MTSS1: variants seen among roughly 807,000 people sequenced by gnomAD.
MTSS1 encodes MTSS I-BAR domain containing 1.
MTSS1 carries 18 observed loss-of-function variants against 79.0 expected under a neutral mutation model. That is an observed-to-expected ratio of 0.23 (90% CI 0.16 to 0.34). The LOEUF (loss-of-function observed/expected upper bound fraction) is 0.34, where lower values mean the gene tolerates loss of function less well. Ranked by LOEUF, MTSS1 falls within the 10% of genes least tolerant of loss-of-function variation. The probability of loss-of-function intolerance (pLI) is 1.00; values close to 1 mark genes in which losing one functional copy is unlikely to be tolerated. For missense variants in MTSS1, 815 were observed against 986.2 expected, an observed-to-expected ratio of 0.83 and a Z score of 2.33; for synonymous variants, 341 against 368.6, an observed-to-expected ratio of 0.93 and a Z score of 0.86.
At chr8:124,562,601 C>G (rs1027772648) in intron 10 of MTSS1, among the ~76,000 whole-genome samples, 181 bp downstream of exon 10, 2 of 152,206 alleles carry the variant, frequency 1.3e-5, no homozygotes, top group East Asian at 3.9e-4. Flanking sequence ...GCTTCAAACC[C>G]ACTTATAGCA....
intron 3 of MTSS1, among the ~76,000 whole-genome samples, chr8:124,645,775 A>G (rs892766651): frequency 6.6e-6 from 1 of 152,072 alleles, no homozygotes; most frequent in Non-Finnish European, 1.5e-5. Flanking sequence ...TATTTTGAGT[A>G]CTCTAAGCTG....
chr8:124,557,024 A>C (rs533571259), intron 11 of MTSS1, among the ~76,000 whole-genome samples: 1 of 152,198 alleles, frequency 6.6e-6, no homozygotes, highest in Non-Finnish European at 1.5e-5. Flanking sequence ...CTACTTTTCA[A>C]ATTAGGGTCC....
chr8:124,670,779 C>A (rs1412456516), intron 3 of MTSS1, among the ~76,000 whole-genome samples: 2 of 152,114 alleles, frequency 1.3e-5, no homozygotes, highest in East Asian at 3.9e-4. Context: ...CATCCCGTCT[C>A]CAAAGTGGTT....
chr8:124,557,133 T>C (rs1237291219), intron 11 of MTSS1, among the ~76,000 whole-genome samples: 1 of 152,206 alleles, frequency 6.6e-6, no homozygotes. Flanking sequence ...AGCAAACATG[T>C]TTGAACACTC....
In MTSS1 at chr8:124,553,417, C is replaced by G; in HGVS notation, c.1843G>C (p.Val615Leu). ...GAGPIPIKTP[V>L]IPVKTPTVPD... ...ACGGTTGGGGTCTTGACAGGGATCA[C>G]GGGTGTCTTGATGGGGATGGGACCA... The change falls in exon 14 of 14, where the codon GTG (valine) becomes CTG (leucine). Residue 615 changes from valine (V) to leucine (L), a missense_variant. This residue lies in a region of MTSS1 where 590 missense variants were observed against 620.8 expected (regional missense o/e 0.95). Transcript: ENST00000518547. This position sits in a 1 kb window ranked among gnomAD's most constrained non-coding sequence, Gnocchi z 6.0. 6.2e-7 allele frequency: 1 copy of G among 1,607,276 alleles called. No individual in the cohort carries two copies. Among genetic ancestry groups the G allele is most frequent in the Non-Finnish European group, 8.5e-7 (1 of 1,175,404 alleles).
At chr8:124,624,130 G>A (rs978883876) in intron 3 of MTSS1, among the ~76,000 whole-genome samples, 5 of 152,158 alleles carry the variant, frequency 3.3e-5, no homozygotes, top group African/African-American at 9.7e-5. Context: ...TTTCACTCAC[G>A]CTCCTATTTG....
In MTSS1 at chr8:124,584,624, C is replaced by G. The variant is rs939885148; in HGVS notation, c.460+463G>C. 2.6e-5 allele frequency among the ~76,000 whole-genome samples: 4 copies of G among 152,136 alleles called. No individual in the cohort carries two copies. The South Asian group carries it at 8.3e-4, about 31-fold the overall frequency. Reference sequence around the variant, plus strand: ...CCCTCATGAACACCATGGAAAATCCCCTGTATGGCCATGACTCCCAGCTTC... The same window carrying G: ...CCCTCATGAACACCATGGAAAATCCGCTGTATGGCCATGACTCCCAGCTTC... On this transcript the variant is annotated intron_variant, in intron 6 of 13. Transcript: ENST00000518547.
At chr8:124,721,188 T>A (rs1408257885) in intron 1 of MTSS1, among the ~76,000 whole-genome samples, 1 of 151,984 alleles carries the variant, frequency 6.6e-6, no homozygotes. Flanking sequence ...TTTAAACAAA[T>A]GAAAAGTGAC....
At position 124,633,750 on chromosome 8, in the gene MTSS1, C is replaced by T. The variant is rs555879977; in HGVS notation, c.209-42515G>A. ...ACACCACTGCACACTCCAGCCTGGG[C>T]GACAGAGCAAGATCCTGTCTCAAAA... On this transcript the variant is annotated intron_variant, in intron 3 of 13. Transcript: ENST00000518547. 1.3e-3 allele frequency among the ~76,000 whole-genome samples: 202 copies of T among 150,796 alleles called. 1 individual carries two copies. The highest frequency in any genetic ancestry group is 4.6e-3 in the African/African-American group (190 of 40,886).
chr8:124,662,173 G>T (rs2134403090), intron 3 of MTSS1, among the ~76,000 whole-genome samples: 1 of 152,176 alleles, frequency 6.6e-6, no homozygotes, highest in Admixed American at 6.5e-5. Context: ...CAATTTTTGG[G>T]AAAGAGGACA....
chr8:124,572,288 C>T (rs554011679), intron 6 of MTSS1, among the ~76,000 whole-genome samples: 1 of 152,136 alleles, frequency 6.6e-6, no homozygotes, highest in African/African-American at 2.4e-5. Context: ...ATAGTCAAGA[C>T]ATTTCCATTC....
At chr8:124,584,663 C>T (rs1830550985) in intron 6 of MTSS1, among the ~76,000 whole-genome samples, 1 of 152,166 alleles carries the variant, frequency 6.6e-6, no homozygotes, top group Admixed American at 6.5e-5. Context: ...TGCACCCATT[C>T]CTAGCATTCT....
At chr8:124,591,839 G>A (rs1163630562) in intron 3 of MTSS1, among the ~76,000 whole-genome samples, 2 of 151,960 alleles carry the variant, frequency 1.3e-5, no homozygotes, top group East Asian at 3.9e-4. Flanking sequence ...GGAGTGCAGT[G>A]GTGCAATCAA....
intron 6 of MTSS1, among the ~76,000 whole-genome samples, chr8:124,572,195 T>G (rs1347764941): frequency 6.6e-6 from 1 of 152,188 alleles, no homozygotes; most frequent in Non-Finnish European, 1.5e-5. Context: ...ATAGCAAAGT[T>G]ATTTTAAATG....
Position 124,597,531 on chromosome 8 carries a change from AGGCAGGACGGTG to A in MTSS1, c.209-6308_209-6297del, listed in dbSNP as rs1832975983. 6.6e-6 allele frequency among the ~76,000 whole-genome samples: 1 copy of A among 152,262 alleles called. No homozygotes were observed. Among genetic ancestry groups the A allele is most frequent in the African/African-American group, 2.4e-5 (1 of 41,468 alleles). On this transcript the variant is annotated intron_variant, in intron 3 of 13. Coordinates refer to ENST00000518547, the MANE Select transcript of MTSS1 (RefSeq NM_014751.6). The surrounding 1 kb of genome is among the most constrained non-coding windows in gnomAD (Gnocchi z 4.6). ...CTTGCTGCAGAGACCTGGCAGCGACAGGCAGGACGGTGGGTCCTTCGAGTGGCATTGTCCTGT... is the reference window on the plus strand; with the variant it reads ...CTTGCTGCAGAGACCTGGCAGCGACAGGTCCTTCGAGTGGCATTGTCCTGT...
At chr8:124,568,228 CT>C in intron 7 of MTSS1, 150 bp downstream of exon 7, 1 of 881,512 alleles carries the variant, frequency 1.1e-6, no homozygotes, top group Non-Finnish European at 1.7e-6. Flanking sequence ...TGGCCATCAA[CT>C]TGCACTGAAT....
chr8:124,567,330 C>T, intron 7 of MTSS1, 152 bp from the exon 8 acceptor site: 1 of 708,828 alleles, frequency 1.4e-6, no homozygotes, highest in East Asian at 2.7e-5. Flanking sequence ...GAAGGCACTA[C>T]ATGCCTTTTC....
At chr8:124,599,368 G>A (rs1222353780) in intron 3 of MTSS1, among the ~76,000 whole-genome samples, 1 of 151,390 alleles carries the variant, frequency 6.6e-6, no homozygotes. Context: ...CTGTAATCCC[G>A]GCTACTCAGG....
intron 13 of MTSS1, among the ~76,000 whole-genome samples, 195 bp downstream of exon 13, chr8:124,555,547 C>G (rs773962520): frequency 6.6e-6 from 1 of 152,192 alleles, no homozygotes; most frequent in Non-Finnish European, 1.5e-5. Context: ...CGCCCGACCC[C>G]AGATCCCTTT....
Sources: allele counts gnomAD v4.1 joint callset (sites outside exome capture counted in the v4.1 genomes callset), GRCh38; gene constraint gnomAD v4.1.1; regional missense constraint gnomAD v4.1.1; non-coding constraint Gnocchi (gnomAD v3.1); transcripts MANE v1.5; gene names NCBI Gene and HGNC (gene_info 2026-07-23, HGNC 2026-07-21).